Variants in TMPRSS6 observed in about 807,000 individuals in gnomAD.
The protein encoded by TMPRSS6 is transmembrane protease serine 6.
In TMPRSS6, 67 loss-of-function variants were observed where a neutral mutation model predicts 101.5. The ratio of observed to expected loss-of-function variants is 0.66; its 90% CI spans 0.54 to 0.81. TMPRSS6 has a LOEUF of 0.81. Among genes scored for constraint, TMPRSS6 ranks in the 30% least tolerant of loss-of-function variants. The pLI, the probability that TMPRSS6 is intolerant of heterozygous loss-of-function variation, is 0.00. For synonymous variants in TMPRSS6, 453 were observed against 464.9 expected, an observed-to-expected ratio of 0.97 and a Z score of 0.33; for missense variants, 1,034 against 1,088.7, an observed-to-expected ratio of 0.95 and a Z score of 0.71.
At chr22:37,079,506 C>T (rs191312420) in intron 10 of TMPRSS6, among the ~76,000 whole-genome samples, 216 of 152,224 alleles carry the variant, frequency 1.4e-3, no homozygotes, top group African/African-American at 5.1e-3. Flanking sequence ...TGCACACCCC[C>T]GTGCCCTTAC....
At chr22:37,092,378 G>A (rs924673508) in intron 6 of TMPRSS6, among the ~76,000 whole-genome samples, 5 of 151,974 alleles carry the variant, frequency 3.3e-5, no homozygotes, top group East Asian at 1.9e-4. Context: ...AGGCTGGAGC[G>A]CAGTGATGCG....
chr22:37,087,440 C>T (rs147720102), intron 7 of TMPRSS6, among the ~76,000 whole-genome samples: 2,944 of 152,302 alleles, frequency 0.019, 33 homozygotes, highest in Non-Finnish European at 0.028. Flanking sequence ...ACATGGCACC[C>T]AAGCAGCCTG....
intron 2 of TMPRSS6, among the ~76,000 whole-genome samples, chr22:37,100,553 G>A (rs573111705): frequency 6.6e-6 from 1 of 152,324 alleles, no homozygotes; most frequent in East Asian, 1.9e-4. Flanking sequence ...AAAGAAAGGA[G>A]TAAGGGGAAG....
intron 16 of TMPRSS6, among the ~76,000 whole-genome samples, chr22:37,067,219 C>T (rs1926387593): frequency 6.6e-6 from 1 of 152,176 alleles, no homozygotes; most frequent in African/African-American, 2.4e-5. Context: ...GCCTGTAATC[C>T]CAGCACTTTG....
intron 10 of TMPRSS6, among the ~76,000 whole-genome samples, chr22:37,079,415 CATGG>C (rs10537993): frequency 0.57 from 86,338 of 151,056 alleles, 25,202 homozygotes; most frequent in African/African-American, 0.68. Context: ...GGGATAGATG[CATGG>C]ATGGATGGAT....
intron 7 of TMPRSS6, among the ~76,000 whole-genome samples, chr22:37,086,915 G>A (rs1199542624): frequency 6.6e-6 from 1 of 152,206 alleles, no homozygotes; most frequent in African/African-American, 2.4e-5. Flanking sequence ...CCAGAGCTTG[G>A]CGCCTGGGAG....
In TMPRSS6 at chr22:37,089,801, C is replaced by A. The variant is rs1362560852; in HGVS notation, c.632-19G>T. On this transcript the variant is annotated intron_variant, in intron 6 of 17. Coordinates refer to ENST00000676104, the MANE Select transcript of TMPRSS6 (RefSeq NM_001374504.1). ...TAACAACCTGGAGCGGGGAGAGGGG[C>A]ACAGCCCCTGATTCCTGTGAGCCAG... 1 of 1,606,766 alleles carries A rather than the reference C, an allele frequency of 6.2e-7. No individual in the cohort carries two copies. Among genetic ancestry groups the A allele is most frequent in the Non-Finnish European group, 8.5e-7 (1 of 1,177,544 alleles).
At chr22:37,095,449 C>CT in intron 6 of TMPRSS6, 102 bp downstream of exon 6, 1 of 1,466,508 alleles carries the variant, frequency 6.8e-7, no homozygotes, top group African/African-American at 1.4e-5. Flanking sequence ...CCAGGGCTCC[C>CT]TGCACACACA....
intron 4 of TMPRSS6, 28 bp from the exon 5 acceptor site, chr22:37,096,118 A>G: frequency 6.2e-7 from 1 of 1,613,502 alleles, no homozygotes; most frequent in African/African-American, 1.3e-5. Flanking sequence ...GAGAGAGGCC[A>G]GGGAAGGATT....
At chr22:37,072,257 GATGGATGATGGATGGTTGC>G in intron 13 of TMPRSS6, among the ~76,000 whole-genome samples, 1 of 141,104 alleles carries the variant, frequency 7.1e-6, no homozygotes, top group East Asian at 2.2e-4. Flanking sequence ...ATGATGGATG[GATGGATGATGGATGGTTGC>G]ATGGATGGAT....
rs775546782 is a variant in TMPRSS6 at position 37,070,677 on chromosome 22, G to A, written c.1673-25C>T. 3.1e-6 allele frequency: 5 copies of A among 1,607,928 alleles called. No homozygotes were observed. In the South Asian group the frequency reaches 3.3e-5, roughly 11 times the overall value. On this transcript the variant is annotated intron_variant, in intron 14 of 17. Transcript: ENST00000676104. Reference sequence around the variant, plus strand: ...TCTGGGGATGGGGGCAGGTGGTGGGGTGGACAGAGGAGGAGGGGAAGGGGA... The same window carrying A: ...TCTGGGGATGGGGGCAGGTGGTGGGATGGACAGAGGAGGAGGGGAAGGGGA...
At chr22:37,099,944 G>T (rs1488397401) in intron 2 of TMPRSS6, among the ~76,000 whole-genome samples, 3 of 152,144 alleles carry the variant, frequency 2.0e-5, no homozygotes, top group African/African-American at 4.8e-5. Flanking sequence ...ATGGGAGGTG[G>T]TTTTTTTGTT....
intron 12 of TMPRSS6, 61 bp from the exon 13 acceptor site, chr22:37,073,706 G>A (rs1233164708): frequency 1.9e-6 from 2 of 1,053,060 alleles, no homozygotes; most frequent in East Asian, 2.4e-5. Context: ...GCCGGGGCTT[G>A]GCGATGCCTG....
intron 6 of TMPRSS6, 99 bp from the exon 7 acceptor site, chr22:37,089,881 G>A (rs1929108447): frequency 8.0e-7 from 1 of 1,255,652 alleles, no homozygotes; most frequent in African/African-American, 1.5e-5. Context: ...AGGCAGGATG[G>A]GCTGGGCAGG....
At chr22:37,109,884 C>T (rs1055127512), upstream of TMPRSS6, among the ~76,000 whole-genome samples, 3 of 152,156 alleles carry the variant, frequency 2.0e-5, no homozygotes, top group Non-Finnish European at 4.4e-5. Context: ...CCCCTGGTCC[C>T]CGAGAGCATG....
chr22:37,075,430 A>G (rs1024634220), intron 10 of TMPRSS6, 150 bp from the exon 11 acceptor site: 1 of 1,042,632 alleles, frequency 9.6e-7, no homozygotes, highest in African/African-American at 1.6e-5. Context: ...AGATGAGTGC[A>G]CCCCCAGAGT....
chr22:37,088,673 C>T (rs189760560), intron 7 of TMPRSS6, among the ~76,000 whole-genome samples: 1 of 152,268 alleles, frequency 6.6e-6, no homozygotes, highest in Non-Finnish European at 1.5e-5. Context: ...GCCCTAAAGC[C>T]CTACTTCTGT....
chr22:37,069,021 G>A lies in TMPRSS6; in HGVS notation c.2113+52C>T. On this transcript the variant is annotated intron_variant, in intron 16 of 17. Coordinates refer to ENST00000676104, the MANE Select transcript of TMPRSS6 (RefSeq NM_001374504.1). This position sits in a 1 kb window ranked among gnomAD's most constrained non-coding sequence, Gnocchi z 4.8. ...CCTTCTCCAGGCCAGGTGTTACGGC[G>A]CAGATCCGCACGGTCTCCCTCCGCC... is the stretch of plus-strand genomic sequence containing the variant. The A allele has an allele frequency of 7.2e-6, 11 of 1,531,800 alleles. No individual in the cohort carries two copies. The East Asian group carries it at 7.3e-5, about 10-fold the overall frequency. 94.9% of individuals were successfully genotyped at this position (1,531,800 alleles called of 1,614,324 possible).
chr22:37,095,985 C>G lies in TMPRSS6; in HGVS notation c.510G>C (p.Leu170=). Residue 170 remains leucine (L), a synonymous_variant, in exon 5 of 18, where the codon CTG becomes CTC. Coordinates refer to ENST00000676104, the MANE Select transcript of TMPRSS6 (RefSeq NM_001374504.1). The stretch of plus-strand genomic sequence containing the variant: ...CAGCCGAGCTGTTGACTGTGGACAG[C>G]AGCTCCTCCACCAGCAGTGCCTGCA... ...EVVQALLVEE[L]LSTVNSSAAV... is the part of the protein sequence containing the mutation. The G allele has an allele frequency of 6.2e-7, 1 of 1,614,230 alleles. No homozygotes were observed. The highest frequency in any genetic ancestry group is 8.5e-7 in the Non-Finnish European group (1 of 1,180,044).
Sources: gnomAD v4.1 joint callset for allele counts (sites outside exome capture counted in the v4.1 genomes callset) on GRCh38, gnomAD v4.1.1 for gene constraint, Gnocchi (gnomAD v3.1) non-coding constraint, MANE v1.5 for transcripts, NCBI Gene and HGNC (gene_info 2026-07-23, HGNC 2026-07-21) for gene names.